The following LRRC47 variants were observed in gnomAD, a reference collection of about 807,000 sequenced individuals.
The protein encoded by LRRC47 is leucine rich repeat containing 47.
A neutral mutation model predicts 40.9 loss-of-function variants in LRRC47; 31 were observed. The ratio of observed to expected loss-of-function variants is 0.76; its 90% CI spans 0.57 to 1.02. LRRC47 has a LOEUF of 1.02. Among genes scored for constraint, LRRC47 ranks in the 50% least tolerant of loss-of-function variants. The probability of loss-of-function intolerance (pLI) is 0.00; values close to 1 mark genes in which losing one functional copy is unlikely to be tolerated. For missense variants in LRRC47, 726 were observed against 796.1 expected (o/e 0.91, Z 1.06); for synonymous variants, 427 against 371.9 (o/e 1.15, Z -1.70).
chr1:3,785,188 C>T lies in LRRC47; in HGVS notation c.1093G>A (p.Asp365Asn), dbSNP rs1643560551. ...GCAGCCGTCCTCTTCTCACAGAGAT[C>T]TTCGTGGAGCTTGGTCTGTAACACA... is the stretch of plus-strand genomic sequence containing the variant. Reference protein sequence around the residue: ...FLTSQTKLHEDLCEKRTAATL... With the variant: ...FLTSQTKLHENLCEKRTAATL... Residue 365 changes from aspartate to asparagine, a missense_variant, in exon 3 of 7, where the codon GAT (aspartate) becomes AAT (asparagine). Physicochemically the swap from Asp to Asn is conservative, Grantham distance 23. Coordinates refer to ENST00000378251, the MANE Select transcript of LRRC47 (RefSeq NM_020710.3). 6.3e-7 allele frequency: 1 copy of T among 1,575,936 alleles called. No homozygotes were observed. The highest frequency in any genetic ancestry group is 1.2e-5 in the South Asian group (1 of 86,032).
At position 3,781,081 on chromosome 1, in the gene LRRC47, C is replaced by T; in HGVS notation, c.*7G>A. On this transcript the variant is annotated 3_prime_UTR_variant, in exon 7 of 7. Coordinates refer to ENST00000378251, the MANE Select transcript of LRRC47 (RefSeq NM_020710.3). ...GGCCAAACAAACGCGGACAGGCGGC[C>T]CTGGCGTCAGCGCACGACAGTCACG... 6.2e-7 allele frequency: 1 copy of T among 1,610,722 alleles called. No homozygotes were observed. The highest frequency in any genetic ancestry group is 8.5e-7 in the Non-Finnish European group (1 of 1,177,704).
chr1:3,784,263 G>C (rs1643549488), intron 3 of LRRC47, 152 bp from the exon 4 acceptor site: 2 of 642,742 alleles, frequency 3.1e-6, no homozygotes, highest in South Asian at 3.8e-5. Flanking sequence ...GGACCACGCA[G>C]CAAGAAGCTG....
At position 3,790,792 on chromosome 1, in the gene LRRC47, TG is replaced by T. The variant is rs1173317607; in HGVS notation, c.616-3483del. 9.2e-5 allele frequency among the ~76,000 whole-genome samples: 14 copies of T among 152,096 alleles called. No individual in the cohort carries two copies. In the East Asian group the frequency reaches 2.7e-3, roughly 30 times the overall value. ...GCAGGTCCCAGCCCAGGCTTGGGGG[TG>T]CTCCCTGGGGAATGGCTGTGGGGAT... On this transcript the variant is annotated intron_variant, in intron 1 of 6. Coordinates refer to ENST00000378251, the MANE Select transcript of LRRC47 (RefSeq NM_020710.3).
intron 1 of LRRC47, among the ~76,000 whole-genome samples, chr1:3,788,769 C>T (rs993017861): frequency 6.6e-6 from 1 of 152,084 alleles, no homozygotes; most frequent in Non-Finnish European, 1.5e-5. Context: ...TCAGGGAGAA[C>T]AGAGACCCAG....
At chr1:3,789,431 T>C (rs997850968) in intron 1 of LRRC47, among the ~76,000 whole-genome samples, 1 of 152,252 alleles carries the variant, frequency 6.6e-6, no homozygotes, top group African/African-American at 2.4e-5. Context: ...AAACACGCAG[T>C]GCGGCGTCTC....
intron 3 of LRRC47, 192 bp from the exon 4 acceptor site, chr1:3,784,303 G>T: frequency 3.4e-6 from 2 of 579,932 alleles, no homozygotes; most frequent in Non-Finnish European, 6.2e-6. Flanking sequence ...GCGTCCCGGG[G>T]AGACCTGACG....
intron 1 of LRRC47, among the ~76,000 whole-genome samples, chr1:3,790,588 G>C (rs990046362): frequency 2.0e-5 from 3 of 152,194 alleles, no homozygotes; most frequent in African/African-American, 7.2e-5. Context: ...CCACAGCAGC[G>C]GGAAGCAGCC....
At chr1:3,782,865 C>G (rs1483268408) in intron 4 of LRRC47, 102 bp from the exon 5 acceptor site, 1 of 761,320 alleles carries the variant, frequency 1.3e-6, no homozygotes. Flanking sequence ...GAGGCTGAGA[C>G]AGGAGGGCTG....
chr1:3,792,353 T>A (rs1334358343), intron 1 of LRRC47, among the ~76,000 whole-genome samples: 7 of 152,128 alleles, frequency 4.6e-5, no homozygotes, highest in Non-Finnish European at 1.0e-4. Context: ...CTTGGCCACC[T>A]CTTTTGGGAT....
chr1:3,781,564 G>A lies in LRRC47; in HGVS notation c.1451C>T (p.Thr484Ile), dbSNP rs750009970. 1.2e-6 allele frequency: 2 copies of A among 1,613,764 alleles called. No homozygotes were observed. The highest frequency in any genetic ancestry group is 1.7e-5 in the Admixed American group (1 of 59,990). Residue 484 changes from threonine to isoleucine, a missense_variant, in exon 6 of 7, where the codon ACA (threonine) becomes ATA (isoleucine). Coordinates refer to ENST00000378251, the MANE Select transcript of LRRC47 (RefSeq NM_020710.3). Reference protein sequence around the residue: ...KTTSDLFLEVTSATSLQICKD... With the variant: ...KTTSDLFLEVISATSLQICKD... Reference sequence around the variant, plus strand: ...GCAAATCTGCAGACTGGTGGCACTTGTTACTTCCAAAAACAAATCAGAAGT... The same window carrying A: ...GCAAATCTGCAGACTGGTGGCACTTATTACTTCCAAAAACAAATCAGAAGT...
chr1:3,780,872 A>C lies in LRRC47; in HGVS notation c.*216T>G. The C allele has an allele frequency of 3.2e-6, 2 of 626,366 alleles. No individual in the cohort carries two copies. The highest frequency in any genetic ancestry group is 4.1e-5 in the South Asian group (2 of 48,656). 38.8% of individuals were successfully genotyped at this position (626,366 alleles called of 1,614,324 possible). On this transcript the variant is annotated 3_prime_UTR_variant, in exon 7 of 7. Transcript: ENST00000378251. ...ACACCTGTAGTCCCAGCTACTTGGGAGGCTGAGGCAGGAGAATCGCTTGAA... is the reference window on the plus strand; with the variant it reads ...ACACCTGTAGTCCCAGCTACTTGGGCGGCTGAGGCAGGAGAATCGCTTGAA...
In LRRC47 at chr1:3,782,753, A is replaced by C. The variant is rs1476601211; in HGVS notation, c.1321T>G (p.Leu441Val). The C allele has an allele frequency of 6.3e-7, 1 of 1,595,898 alleles. No individual in the cohort carries two copies. Among genetic ancestry groups the C allele is most frequent in the Non-Finnish European group, 8.6e-7 (1 of 1,163,468 alleles). ...GGGTAATTTTCATTTCCATCCAGCA[A>C]GTGAAGGTATCTGTATGGGAAGAAA... ...SVSGLHRYLH[L>V]LDGNENYPCL... Residue 441 changes from leucine to valine, a missense_variant, in exon 5 of 7, where the codon TTG becomes GTG. By Grantham distance (32) the Leu-to-Val change is conservative (BLOSUM62 1). Transcript: ENST00000378251.
At chr1:3,794,730 G>A (rs1253213589) in intron 1 of LRRC47, among the ~76,000 whole-genome samples, 2 of 151,682 alleles carry the variant, frequency 1.3e-5, no homozygotes, top group African/African-American at 2.4e-5. Flanking sequence ...AAATAGATAA[G>A]CTGCTAAAGT....
chr1:3,781,299 T>G lies in LRRC47; in HGVS notation c.1541A>C (p.Lys514Thr), dbSNP rs950862889. ...AGTATCTGAGAGTGATCCTTCCTCT[T>G]TATTTTCTAAAGTGTACTTTTTCAT... ...AEMKKYTLEN[K>T]EEGSLSDTEA... Residue 514 changes from lysine (K) to threonine (T), a missense_variant, in exon 7 of 7, where the codon AAA becomes ACA. Coordinates refer to ENST00000378251, the MANE Select transcript of LRRC47 (RefSeq NM_020710.3). The G allele has an allele frequency of 1.9e-6, 3 of 1,614,002 alleles. No homozygotes were observed. The highest frequency in any genetic ancestry group is 2.5e-6 in the Non-Finnish European group (3 of 1,179,892).
intron 1 of LRRC47, among the ~76,000 whole-genome samples, chr1:3,794,089 G>A (rs1055630797): frequency 2.6e-5 from 4 of 151,872 alleles, no homozygotes; most frequent in Non-Finnish European, 5.9e-5. Flanking sequence ...CAGCTACTCG[G>A]GAGGCTGAGG....
intron 1 of LRRC47, among the ~76,000 whole-genome samples, chr1:3,790,742 G>T (rs970388478): frequency 3.9e-5 from 6 of 152,246 alleles, no homozygotes; most frequent in Admixed American, 3.3e-4. Flanking sequence ...TGGCTGGGAG[G>T]AAAGAGGGTC....
intron 1 of LRRC47, among the ~76,000 whole-genome samples, chr1:3,791,945 G>A (rs1643630736): frequency 6.6e-6 from 1 of 151,570 alleles, no homozygotes; most frequent in Admixed American, 6.6e-5. Context: ...ATAGAGACAG[G>A]TTTTCACCAT....
chr1:3,785,280 C>G (rs1328271559), intron 2 of LRRC47, 77 bp from the exon 3 acceptor site: 4 of 1,076,304 alleles, frequency 3.7e-6, no homozygotes, highest in Non-Finnish European at 5.1e-6. Context: ...TCACCCTTGG[C>G]TGGGCTGTGT....
intron 3 of LRRC47, among the ~76,000 whole-genome samples, chr1:3,784,373 T>G (rs922370306): frequency 2.6e-5 from 4 of 152,174 alleles, no homozygotes; most frequent in African/African-American, 9.7e-5. Flanking sequence ...CATGCACAAC[T>G]GTTTCCAGAG....
Sources: allele counts gnomAD v4.1 joint callset (sites outside exome capture counted in the v4.1 genomes callset), GRCh38; gene constraint gnomAD v4.1.1; transcripts MANE v1.5; gene names NCBI Gene and HGNC (gene_info 2026-07-23, HGNC 2026-07-21).